Variants in PDE1A observed in about 807,000 individuals in gnomAD.
The protein encoded by PDE1A is dual specificity calcium/calmodulin-dependent 3',5'-cyclic nucleotide phosphodiesterase 1A.
PDE1A carries 35 observed loss-of-function variants against 61.7 expected under a neutral mutation model. The observed-to-expected ratio is 0.57, with a 90% confidence interval of 0.43 to 0.75. The LOEUF is 0.75. PDE1A is among the 30% of genes least tolerant of loss of function. PDE1A has a pLI of 0.00. For missense variants in PDE1A, 597 were observed against 630.6 expected (o/e 0.95, Z 0.57); for synonymous variants, 232 against 213.2 (o/e 1.09, Z -0.77).
chr2:182,169,922 G>GCACACACACACA lies in PDE1A; in HGVS notation c.1517-1644_1517-1633dup, dbSNP rs1052290375. Among the ~76,000 whole-genome samples the GCACACACACACA allele has an allele frequency of 4.8e-4, 42 of 87,750 alleles. 2 individuals carry two copies. In the East Asian group the frequency reaches 9.5e-3, roughly 20 times the overall value. The allele number at this position is 87,750 out of a possible 152,430, so 57.6% of individuals were successfully genotyped here. On this transcript the variant is annotated intron_variant, in intron 13 of 13. Transcript: ENST00000351439. ...CACACACACACACACACACACACAC[G>GCACACACACACA]CACACACACACACACACTCTCCCTC... is the stretch of plus-strand genomic sequence containing the variant.
chr2:182,701,529 C>T, the PDE1A span, among the ~76,000 whole-genome samples: 20 of 151,724 alleles, frequency 1.3e-4, no homozygotes, highest in Non-Finnish European at 1.5e-4. Context: ...TACAGACGCG[C>T]ACCACCACAC....
At chr2:182,500,487 A>AAG (rs75777569) in intron 2 of PDE1A, among the ~76,000 whole-genome samples, 119,589 of 151,878 alleles carry the variant, frequency 0.79, 47,298 homozygotes, top group East Asian at 0.96. Context: ...GGAGCTGAGA[A>AAG]AAGTTTAATC....
chr2:182,311,743 TG>T (rs1166570298), intron 1 of PDE1A, among the ~76,000 whole-genome samples: 2 of 152,210 alleles, frequency 1.3e-5, no homozygotes, highest in African/African-American at 2.4e-5. Context: ...GACATTCACA[TG>T]TAAGTCTACA....
At chr2:182,500,167 T>A (rs1175854610) in intron 2 of PDE1A, among the ~76,000 whole-genome samples, 1 of 152,154 alleles carries the variant, frequency 6.6e-6, no homozygotes, top group African/African-American at 2.4e-5. Flanking sequence ...AAATGAGATA[T>A]TTATTAATTC....
At chr2:182,663,540 G>A in the PDE1A span, among the ~76,000 whole-genome samples, 1 of 152,140 alleles carries the variant, frequency 6.6e-6, no homozygotes, top group African/African-American at 2.4e-5. Flanking sequence ...CATGGAGCTG[G>A]AGGCCATTAT....
the PDE1A span, among the ~76,000 whole-genome samples, chr2:182,690,576 C>G: frequency 1.3e-5 from 2 of 152,112 alleles, no homozygotes; most frequent in Non-Finnish European, 2.9e-5. Context: ...CAATATCATA[C>G]TGAATGGGCA....
At chr2:182,643,100 T>C in the PDE1A span, among the ~76,000 whole-genome samples, 10 of 152,284 alleles carry the variant, frequency 6.6e-5, no homozygotes, top group Non-Finnish European at 1.5e-4. Flanking sequence ...GCCTTAACCT[T>C]TGCTTCAGGC....
chr2:182,561,612 T>C, the PDE1A span, among the ~76,000 whole-genome samples: 3 of 152,198 alleles, frequency 2.0e-5, no homozygotes, highest in African/African-American at 4.8e-5. Flanking sequence ...GGTAGCTTGA[T>C]GGGAATGCTA....
downstream of PDE1A, among the ~76,000 whole-genome samples, chr2:182,167,732 T>C (rs1266883618): frequency 6.6e-6 from 1 of 152,172 alleles, no homozygotes; most frequent in African/African-American, 2.4e-5. Flanking sequence ...TTTTGGATGA[T>C]ACATTTCATC....
intron 1 of PDE1A, among the ~76,000 whole-genome samples, chr2:182,378,296 ACTGT>A (rs1203644645): frequency 6.6e-6 from 1 of 152,224 alleles, no homozygotes; most frequent in Non-Finnish European, 1.5e-5. Flanking sequence ...AAACTAGGCT[ACTGT>A]AATACAAATT....
chr2:182,169,920 A>G (rs201561533), intron 13 of PDE1A, among the ~76,000 whole-genome samples: 1,060 of 84,684 alleles, frequency 0.013, 4 homozygotes, highest in Middle Eastern at 0.033. Context: ...ACACACACAC[A>G]CGCACACACA....
intron 1 of PDE1A, among the ~76,000 whole-genome samples, chr2:182,405,703 T>C (rs1288134711): frequency 6.6e-6 from 1 of 152,126 alleles, no homozygotes; most frequent in East Asian, 1.9e-4. Flanking sequence ...TTTTAAGACC[T>C]TCTGCATAGC....
chr2:182,271,667 A>T (rs1008441423), intron 1 of PDE1A, among the ~76,000 whole-genome samples: 6 of 152,168 alleles, frequency 3.9e-5, no homozygotes, highest in African/African-American at 1.4e-4. Flanking sequence ...GGAACCAATC[A>T]AGTGTTTCTG....
chr2:182,454,118 C>G (rs1017026603), intron 2 of PDE1A, among the ~76,000 whole-genome samples: 1 of 152,104 alleles, frequency 6.6e-6, no homozygotes, highest in Non-Finnish European at 1.5e-5. Flanking sequence ...TTCTTATACA[C>G]GAATAACAGA....
intron 1 of PDE1A, among the ~76,000 whole-genome samples, chr2:182,382,384 G>A (rs985275375): frequency 2.0e-5 from 3 of 152,180 alleles, no homozygotes; most frequent in Non-Finnish European, 4.4e-5. Context: ...GGTAGCCCCT[G>A]ACTAACAACC....
At chr2:182,605,787 G>C in the PDE1A span, among the ~76,000 whole-genome samples, 6 of 152,186 alleles carry the variant, frequency 3.9e-5, no homozygotes, top group Non-Finnish European at 8.8e-5. Context: ...TGCTCACCAA[G>C]GGTGAAGTAA....
chr2:182,262,168 T>G (rs1376539246), intron 2 of PDE1A, among the ~76,000 whole-genome samples: 1 of 152,052 alleles, frequency 6.6e-6, no homozygotes, highest in Admixed American at 6.6e-5. Flanking sequence ...CTTTCTCTTC[T>G]TTCTTTCCCT....
At chr2:182,189,611 TA>T (rs1480570215) in intron 10 of PDE1A, among the ~76,000 whole-genome samples, 2 of 152,224 alleles carry the variant, frequency 1.3e-5, no homozygotes, top group Non-Finnish European at 1.5e-5. Flanking sequence ...AAACTTATTT[TA>T]ATGTTTTCTT....
the PDE1A span, among the ~76,000 whole-genome samples, chr2:182,619,349 C>T: frequency 6.6e-6 from 1 of 151,798 alleles, no homozygotes; most frequent in Non-Finnish European, 1.5e-5. Flanking sequence ...GCTATAGATC[C>T]CTCAGAAGAT....
Sources: gnomAD v4.1 joint callset for allele counts (sites outside exome capture counted in the v4.1 genomes callset) on GRCh38, gnomAD v4.1.1 for gene constraint, MANE v1.5 for transcripts, NCBI Gene and HGNC (gene_info 2026-07-23, HGNC 2026-07-21) for gene names.